Variants in TRPM3 observed in about 807,000 individuals in gnomAD.
TRPM3 encodes the protein long transient receptor potential channel 3.
A neutral mutation model predicts 181.2 loss-of-function variants in TRPM3; 77 were observed. The observed-to-expected ratio is 0.42, with a 90% confidence interval of 0.35 to 0.51. The LOEUF (loss-of-function observed/expected upper bound fraction) is 0.51, where lower values mean the gene tolerates loss of function less well. Ranked by LOEUF, TRPM3 falls within the 20% of genes least tolerant of loss-of-function variation. TRPM3 has a pLI of 0.01. For missense variants in TRPM3, 1,759 were observed against 2,196.7 expected (o/e 0.80, Z 3.98); for synonymous variants, 745 against 796.4 (o/e 0.94, Z 1.09).
At chr9:70,906,765 C>T (rs746905595) in intron 1 of TRPM3, among the ~76,000 whole-genome samples, 7 of 151,940 alleles carry the variant, frequency 4.6e-5, no homozygotes, top group African/African-American at 9.7e-5. Context: ...TAGCTGGGCG[C>T]GGTGGCAGGC....
intron 1 of TRPM3, among the ~76,000 whole-genome samples, chr9:71,213,327 C>T (rs551871446): frequency 2.6e-4 from 39 of 152,050 alleles, no homozygotes; most frequent in African/African-American, 8.4e-4. Flanking sequence ...TAAATACCAT[C>T]CCAGTTTGTG....
intron 1 of TRPM3, among the ~76,000 whole-genome samples, chr9:71,128,886 G>A (rs2074208552): frequency 6.6e-6 from 1 of 152,072 alleles, no homozygotes; most frequent in African/African-American, 2.4e-5. Flanking sequence ...ACCTTCTCAA[G>A]CACCTTCTGA....
intron 1 of TRPM3, among the ~76,000 whole-genome samples, chr9:71,445,245 A>G (rs750556967): frequency 2.0e-5 from 3 of 152,230 alleles, no homozygotes; most frequent in African/African-American, 7.2e-5. Context: ...TAACACTTAG[A>G]CTTCCTATTA....
At chr9:70,688,769 A>G (rs1360802021) in intron 8 of TRPM3, among the ~76,000 whole-genome samples, 1 of 152,126 alleles carries the variant, frequency 6.6e-6, no homozygotes, top group Non-Finnish European at 1.5e-5. Flanking sequence ...CTTTCAGTAG[A>G]CATGTGCATT....
intron 1 of TRPM3, among the ~76,000 whole-genome samples, chr9:71,175,573 G>C (rs34716106): frequency 0.25 from 37,642 of 152,124 alleles, 5,009 homozygotes; most frequent in East Asian, 0.35. Context: ...AGTGTGGATA[G>C]TGTCAGAGGG....
rs564873690 is a variant in TRPM3, at chr9:70,640,595, G to C, written c.1411C>G (p.Arg471Gly). Reference sequence around the variant, plus strand: ...TGCCCGTAAATAAAGATCTGGCTGCGAGCGATGTCGACTCTGTTCCAGGCT... The same window carrying C: ...TGCCCGTAAATAAAGATCTGGCTGCCAGCGATGTCGACTCTGTTCCAGGCT... Reference protein sequence around the residue: ...ALAWNRVDIARSQIFIYGQQW... With the variant: ...ALAWNRVDIAGSQIFIYGQQW... Residue 471 changes from arginine to glycine, a missense_variant, in exon 10 of 26, where the codon CGC becomes GGC. Transcript: ENST00000677713. The C allele has an allele frequency of 6.2e-7, 1 of 1,613,684 alleles. No individual in the cohort carries two copies. Among genetic ancestry groups the C allele is most frequent in the Admixed American group, 1.7e-5 (1 of 59,966 alleles).
At chr9:71,117,662 A>G (rs2072709481) in intron 1 of TRPM3, among the ~76,000 whole-genome samples, 1 of 152,192 alleles carries the variant, frequency 6.6e-6, no homozygotes, top group Non-Finnish European at 1.5e-5. Flanking sequence ...CCCAGTGTCC[A>G]GGCTGACTTT....
intron 1 of TRPM3, 27 bp from the exon 2 acceptor site, chr9:70,864,538 A>AAAAAAAAAAAAAAAAAAAAAAAAAG (rs375135324): frequency 2.1e-6 from 3 of 1,433,880 alleles, no homozygotes; most frequent in Non-Finnish European, 2.8e-6. Context: ...AAAAAAAAAA[A>AAAAAAAAAAAAAAAAAAAAAAAAAG]AAAGAAAAAA....
intron 1 of TRPM3, among the ~76,000 whole-genome samples, chr9:71,358,461 G>T (rs1296356783): frequency 6.6e-6 from 1 of 152,072 alleles, no homozygotes; most frequent in African/African-American, 2.4e-5. Flanking sequence ...ACAACTAAGG[G>T]AGTCTACCCT....
At chr9:70,843,439 T>C (rs977515567) in intron 4 of TRPM3, among the ~76,000 whole-genome samples, 1 of 152,218 alleles carries the variant, frequency 6.6e-6, no homozygotes, top group Admixed American at 6.5e-5. Context: ...ACTCTTTTTC[T>C]TATAAGCATA....
At chr9:70,610,572 G>T in intron 19 of TRPM3, 37 bp downstream of exon 19, 1 of 1,601,260 alleles carries the variant, frequency 6.2e-7, no homozygotes, top group South Asian at 1.1e-5. Flanking sequence ...GCTCCTTGTG[G>T]CCATCCACTA....
At chr9:70,897,688 G>A (rs949580631) in intron 1 of TRPM3, among the ~76,000 whole-genome samples, 6 of 152,158 alleles carry the variant, frequency 3.9e-5, no homozygotes, top group African/African-American at 1.4e-4. Flanking sequence ...GCATCTAGTG[G>A]AGGGAACACT....
At chr9:71,152,956 T>A (rs1182871343) in intron 1 of TRPM3, among the ~76,000 whole-genome samples, 4 of 152,122 alleles carry the variant, frequency 2.6e-5, no homozygotes, top group African/African-American at 9.7e-5. Context: ...ATTAGTAAAG[T>A]CAGCATAATG....
chr9:71,413,860 T>C (rs925735200), intron 1 of TRPM3, among the ~76,000 whole-genome samples: 5 of 145,364 alleles, frequency 3.4e-5, no homozygotes, highest in South Asian at 2.1e-4. Context: ...ACATTTCTCT[T>C]TTTTTTTTTT....
At chr9:70,970,449 A>G (rs1440204218) in intron 1 of TRPM3, among the ~76,000 whole-genome samples, 1 of 152,194 alleles carries the variant, frequency 6.6e-6, no homozygotes, top group Non-Finnish European at 1.5e-5. Flanking sequence ...CTCATTTATT[A>G]TCATTCAAGA....
intron 1 of TRPM3, among the ~76,000 whole-genome samples, chr9:71,179,872 G>T (rs11142716): frequency 0.43 from 65,626 of 151,722 alleles, 14,562 homozygotes; most frequent in East Asian, 0.52. Flanking sequence ...AGCAGTAAAT[G>T]TTAGTGGTTC....
intron 1 of TRPM3, among the ~76,000 whole-genome samples, chr9:71,209,140 G>A (rs1308596110): frequency 6.6e-6 from 1 of 152,018 alleles, no homozygotes; most frequent in Admixed American, 6.6e-5. Context: ...TTTATATTAT[G>A]TACCATGATT....
chr9:71,180,911 G>A (rs2077365442), intron 1 of TRPM3, among the ~76,000 whole-genome samples: 1 of 152,028 alleles, frequency 6.6e-6, no homozygotes, highest in Non-Finnish European at 1.5e-5. Flanking sequence ...TAGAATACAG[G>A]TACTATTTTA....
At chr9:71,009,228 C>T (rs375443024) in intron 1 of TRPM3, among the ~76,000 whole-genome samples, 1 of 151,970 alleles carries the variant, frequency 6.6e-6, no homozygotes, top group Admixed American at 6.6e-5. Context: ...AGTAATTAGT[C>T]AAGAGAAAGG....
Sources: allele counts gnomAD v4.1 joint callset (sites outside exome capture counted in the v4.1 genomes callset), GRCh38; gene constraint gnomAD v4.1.1; transcripts MANE v1.5; gene names NCBI Gene and HGNC (gene_info 2026-07-23, HGNC 2026-07-21).